Variants in ACBD6 observed in about 807,000 individuals in gnomAD.
ACBD6 encodes the protein acyl-CoA-binding domain-containing protein 6.
In ACBD6, 28 loss-of-function variants were observed where a neutral mutation model predicts 37.2. The ratio of observed to expected loss-of-function variants is 0.75; its 90% CI spans 0.56 to 1.03. ACBD6 has a LOEUF of 1.03. Ranked by LOEUF, ACBD6 falls within the 50% of genes least tolerant of loss-of-function variation. The pLI is 0.00. For synonymous variants in ACBD6, 113 were observed against 126.8 expected, an observed-to-expected ratio of 0.89 and a Z score of 0.73; for missense variants, 340 against 337.4, an observed-to-expected ratio of 1.01 and a Z score of -0.06.
In ACBD6 at chr1:180,502,365, C is replaced by A. The variant is rs1409746424; in HGVS notation, c.-99G>T. On this transcript the variant is annotated 5_prime_UTR_variant, in exon 1 of 8. Coordinates refer to ENST00000367595, the MANE Select transcript of ACBD6 (RefSeq NM_032360.4). ...CTGGCCCACCAGTCTGGGTCGCGAGCCTGAGCTCCAGTCGGACCCAAGCTC... is the reference window on the plus strand; with the variant it reads ...CTGGCCCACCAGTCTGGGTCGCGAGACTGAGCTCCAGTCGGACCCAAGCTC... 1 of 1,356,154 alleles carries A rather than the reference C, an allele frequency of 7.4e-7. No homozygotes were observed. The highest frequency in any genetic ancestry group is 1.0e-6 in the Non-Finnish European group (1 of 967,942). 84.0% of individuals were successfully genotyped at this position (1,356,154 alleles called of 1,614,324 possible).
intron 6 of ACBD6, among the ~76,000 whole-genome samples, chr1:180,349,806 G>A (rs1266040476): frequency 6.6e-6 from 1 of 151,724 alleles, no homozygotes; most frequent in Non-Finnish European, 1.5e-5. Flanking sequence ...TTTTATTAAT[G>A]TTTCAAATCC....
chr1:180,379,621 A>G (rs987755529), intron 6 of ACBD6, among the ~76,000 whole-genome samples: 3 of 152,148 alleles, frequency 2.0e-5, no homozygotes, highest in African/African-American at 7.2e-5. Context: ...AAATATATTC[A>G]AAAGCTTCAA....
chr1:180,400,196 T>C (rs901557952), intron 5 of ACBD6, among the ~76,000 whole-genome samples: 3 of 152,228 alleles, frequency 2.0e-5, no homozygotes, highest in African/African-American at 7.2e-5. Context: ...TTCCATGTGA[T>C]GCCAAAAATT....
chr1:180,439,523 G>A (rs1029179270), intron 3 of ACBD6, among the ~76,000 whole-genome samples: 1 of 151,808 alleles, frequency 6.6e-6, no homozygotes, highest in Non-Finnish European at 1.5e-5. Flanking sequence ...TCAGGAGGCA[G>A]AACTTGCAGT....
At chr1:180,288,164 T>C (rs1649564325), downstream of ACBD6, 4 of 657,272 alleles carry the variant, frequency 6.1e-6, no homozygotes, top group African/African-American at 3.6e-5. Context: ...ACAGTACACA[T>C]GTTCATCACC....
intron 8 of ACBD6, among the ~76,000 whole-genome samples, chr1:180,282,900 G>A (rs1369728292): frequency 6.6e-6 from 1 of 151,328 alleles, no homozygotes; most frequent in Non-Finnish European, 1.5e-5. Context: ...GATTTAAACA[G>A]CAATGCACAA....
At chr1:180,349,108 T>G (rs895721824) in intron 6 of ACBD6, among the ~76,000 whole-genome samples, 1 of 152,022 alleles carries the variant, frequency 6.6e-6, no homozygotes, top group African/African-American at 2.4e-5. Context: ...TAACTTTGTA[T>G]CCTTTATTTA....
Position 180,288,606 on chromosome 1 carries a change from A to T in ACBD6, c.695-89T>A, listed in dbSNP as rs970810381. 3.3e-5 allele frequency: 48 copies of T among 1,437,442 alleles called. 1 individual carries two copies. In the South Asian group the frequency reaches 5.7e-4, roughly 17 times the overall value. 89.0% of individuals were successfully genotyped at this position (1,437,442 alleles called of 1,614,324 possible). ...CAGCAGGAAAGGAAAGTGCTGAGCA[A>T]TAAGGAATACTGAACAATGAGCAAT... On this transcript the variant is annotated intron_variant, in intron 7 of 7. Coordinates refer to ENST00000367595, the MANE Select transcript of ACBD6 (RefSeq NM_032360.4).
chr1:180,286,528 GACTTC>G (rs1228273813), downstream of ACBD6, among the ~76,000 whole-genome samples: 1 of 152,200 alleles, frequency 6.6e-6, no homozygotes, highest in African/African-American at 2.4e-5. Flanking sequence ...TCATCCTGGT[GACTTC>G]ACTATAACTA....
At chr1:180,334,165 T>C (rs999424652) in intron 6 of ACBD6, among the ~76,000 whole-genome samples, 4 of 151,912 alleles carry the variant, frequency 2.6e-5, no homozygotes, top group Non-Finnish European at 5.9e-5. Context: ...TTGAAGAGAG[T>C]AGTGGTTCTC....
intron 6 of ACBD6, among the ~76,000 whole-genome samples, chr1:180,315,811 G>T (rs1185986724): frequency 1.3e-5 from 2 of 152,130 alleles, no homozygotes; most frequent in African/African-American, 4.8e-5. Context: ...TGGAATGAAG[G>T]TCTGATTGGA....
At chr1:180,284,052 CAG>C (rs1404544244), downstream of ACBD6, among the ~76,000 whole-genome samples, 1 of 152,134 alleles carries the variant, frequency 6.6e-6, no homozygotes, top group Non-Finnish European at 1.5e-5. Context: ...AAAATCATGA[CAG>C]GAATATTTCA....
chr1:180,382,003 G>GGAGGCT (rs201003397), intron 6 of ACBD6, among the ~76,000 whole-genome samples: 1 of 151,654 alleles, frequency 6.6e-6, no homozygotes, highest in Non-Finnish European at 1.5e-5. Flanking sequence ...CAGCTACCAG[G>GGAGGCT]GAGGCTGAGG....
rs949965903 is a variant in ACBD6 at position 180,365,852 on chromosome 1, CT to C, written c.663+31663del. 1.3e-4 allele frequency among the ~76,000 whole-genome samples: 20 copies of C among 152,066 alleles called. No individual in the cohort carries two copies. The South Asian group carries it at 2.9e-3, about 22-fold the overall frequency. ...GAAAAATTACTTTTCTTTGAAGAGT[CT>C]TTTTTTTCTTATCTTTTTCCCATCT... On this transcript the variant is annotated intron_variant, in intron 6 of 7. Transcript: ENST00000367595.
chr1:180,480,808 A>T (rs1651003510), intron 3 of ACBD6, among the ~76,000 whole-genome samples: 2 of 152,124 alleles, frequency 1.3e-5, no homozygotes, highest in Non-Finnish European at 2.9e-5. Context: ...AGGTGGGTGG[A>T]TGACTTGAGG....
At chr1:180,496,547 C>T (rs959389328) in intron 1 of ACBD6, among the ~76,000 whole-genome samples, 2 of 152,170 alleles carry the variant, frequency 1.3e-5, no homozygotes, top group African/African-American at 4.8e-5. Flanking sequence ...TGTTACTCCA[C>T]TCACCTGAAA....
chr1:180,338,599 A>C (rs1240830721), intron 6 of ACBD6, among the ~76,000 whole-genome samples: 2 of 152,220 alleles, frequency 1.3e-5, no homozygotes, highest in East Asian at 3.8e-4. Flanking sequence ...AGGCAATACC[A>C]TTCAGGACAT....
At chr1:180,295,005 TTC>T (rs2149280344) in intron 7 of ACBD6, among the ~76,000 whole-genome samples, 1 of 152,334 alleles carries the variant, frequency 6.6e-6, no homozygotes, top group African/African-American at 2.4e-5. Flanking sequence ...AGCCTGTTTC[TTC>T]TCTTTTTTTT....
intron 6 of ACBD6, among the ~76,000 whole-genome samples, chr1:180,323,468 G>T (rs532864720): frequency 9.9e-5 from 15 of 152,106 alleles, no homozygotes; most frequent in African/African-American, 3.6e-4. Flanking sequence ...TTTTCTGTCT[G>T]AAAGATCTGT....
Sources: gnomAD v4.1 joint callset for allele counts (sites outside exome capture counted in the v4.1 genomes callset) on GRCh38, gnomAD v4.1.1 for gene constraint, MANE v1.5 for transcripts, NCBI Gene and HGNC (gene_info 2026-07-23, HGNC 2026-07-21) for gene names.